The following ASIC2 variants were observed in gnomAD, a reference collection of about 807,000 sequenced individuals.
The protein encoded by ASIC2 is acid sensing ion channel subunit 2.
Under a neutral mutation model 57.3 loss-of-function variants are expected in ASIC2, and 25 were observed. The ratio of observed to expected loss-of-function variants is 0.44; its 90% CI spans 0.32 to 0.61. The LOEUF is 0.61. Among genes scored for constraint, ASIC2 ranks in the 20% least tolerant of loss-of-function variants. ASIC2 has a pLI of 0.06. For missense variants in ASIC2, 641 were observed against 738.1 expected, an observed-to-expected ratio of 0.87 and a Z score of 1.52; for synonymous variants, 319 against 307.5, an observed-to-expected ratio of 1.04 and a Z score of -0.39.
At chr17:33,323,866 G>A (rs1394700962) in intron 1 of ASIC2, among the ~76,000 whole-genome samples, 1 of 151,832 alleles carries the variant, frequency 6.6e-6, no homozygotes, top group Non-Finnish European at 1.5e-5. Flanking sequence ...GGCAGTGGGA[G>A]TTACTAGAAA....
chr17:34,132,096 A>G (rs1448073624), intron 1 of ASIC2, among the ~76,000 whole-genome samples: 1 of 152,202 alleles, frequency 6.6e-6, no homozygotes, highest in East Asian at 1.9e-4. Flanking sequence ...ACAAGAATGT[A>G]AAGCCTGGCT....
intron 1 of ASIC2, among the ~76,000 whole-genome samples, chr17:33,308,506 T>C (rs146422229): frequency 6.6e-6 from 1 of 152,304 alleles, no homozygotes; most frequent in East Asian, 1.9e-4. Flanking sequence ...CCTCTCCTCA[T>C]CTTGCCTAAG....
chr17:33,065,144 C>T (rs1190585183), intron 3 of ASIC2, among the ~76,000 whole-genome samples: 1 of 151,986 alleles, frequency 6.6e-6, no homozygotes, highest in Non-Finnish European at 1.5e-5. Context: ...ATTAATGGCA[C>T]ATAATAGGGG....
intron 1 of ASIC2, among the ~76,000 whole-genome samples, chr17:33,991,222 A>G (rs1351220881): frequency 1.3e-5 from 2 of 152,210 alleles, no homozygotes; most frequent in Admixed American, 1.3e-4. Flanking sequence ...GATGAGGATG[A>G]TGGAGTCAGA....
chr17:33,500,919 C>T (rs1597753755), intron 1 of ASIC2, among the ~76,000 whole-genome samples: 1 of 152,240 alleles, frequency 6.6e-6, no homozygotes, highest in Non-Finnish European at 1.5e-5. Context: ...TTTATAGCGT[C>T]CCGCTACAAC....
intron 3 of ASIC2, among the ~76,000 whole-genome samples, chr17:33,036,189 G>T (rs1228223650): frequency 1.3e-5 from 2 of 152,180 alleles, no homozygotes; most frequent in African/African-American, 2.4e-5. Flanking sequence ...TTGAATATTT[G>T]CAGGGCTCTT....
rs1908199743 is a variant in ASIC2, at chr17:33,233,835, T to C, written c.708+57573A>G. On this transcript the variant is annotated intron_variant, in intron 1 of 9. Coordinates refer to ENST00000225823, the MANE Select transcript of ASIC2 (RefSeq NM_183377.2). ...ACACAGATACACACACTTATTTTAT[T>C]TTATGAAGCAGATTGTCAAGAGAAA... Among the ~76,000 whole-genome samples, 6 of 152,190 alleles carry C rather than the reference T, an allele frequency of 3.9e-5. No individual in the cohort carries two copies. The South Asian group carries it at 1.2e-3, about 32-fold the overall frequency.
chr17:33,876,333 T>A (rs1450922960), intron 1 of ASIC2, among the ~76,000 whole-genome samples: 2 of 152,228 alleles, frequency 1.3e-5, no homozygotes, highest in East Asian at 3.8e-4. Flanking sequence ...TCTCCAGACC[T>A]TGTTACTGTG....
rs1202844682 is a variant in ASIC2, at chr17:34,044,128, ACG to A, written c.555+111848_555+111849del. On this transcript the variant is annotated intron_variant, in intron 1 of 9. Coordinates refer to the ASIC2 transcript ENST00000359872. ...CACACACACACACACACACACACGC[ACG>A]CACACACACACACACACACCAAGAA... Among the ~76,000 whole-genome samples, 357 of 113,252 alleles carry A rather than the reference ACG, an allele frequency of 3.2e-3. 1 individual carries two copies. The highest frequency in any genetic ancestry group is 0.014 in the East Asian group (65 of 4,582). 74.3% of individuals were successfully genotyped at this position (113,252 alleles called of 152,430 possible). A position where few individuals can be genotyped will look rare whatever the true frequency, so the allele number is the denominator to read the frequency against.
chr17:33,656,255 AAG>A (rs1406605159), intron 1 of ASIC2, among the ~76,000 whole-genome samples: 18 of 151,594 alleles, frequency 1.2e-4, no homozygotes, highest in Non-Finnish European at 2.2e-4. Flanking sequence ...AATCTCCAAA[AAG>A]AGAGAGAGAG....
chr17:33,389,250 C>T (rs1176982726), intron 1 of ASIC2, among the ~76,000 whole-genome samples: 1 of 152,134 alleles, frequency 6.6e-6, no homozygotes, highest in Admixed American at 6.5e-5. Flanking sequence ...CACGAGCCAC[C>T]GTGCCTGGCT....
intron 1 of ASIC2, among the ~76,000 whole-genome samples, chr17:33,128,070 T>A (rs1003969378): frequency 6.6e-6 from 1 of 152,244 alleles, no homozygotes; most frequent in Non-Finnish European, 1.5e-5. Flanking sequence ...CCTGCCTTCA[T>A]TGAGTTAACT....
At chr17:33,809,920 C>A (rs1413759514) in intron 1 of ASIC2, among the ~76,000 whole-genome samples, 2 of 152,190 alleles carry the variant, frequency 1.3e-5, no homozygotes, top group Non-Finnish European at 2.9e-5. Flanking sequence ...ATTCTCATAT[C>A]CACCTGGAAA....
At chr17:33,607,658 T>A (rs1240442168) in intron 1 of ASIC2, among the ~76,000 whole-genome samples, 2 of 152,354 alleles carry the variant, frequency 1.3e-5, no homozygotes, top group African/African-American at 2.4e-5. Flanking sequence ...CTGTCACTGA[T>A]CCCTGCCTTG....
chr17:33,442,877 A>G (rs1911874431), intron 1 of ASIC2, among the ~76,000 whole-genome samples: 1 of 152,176 alleles, frequency 6.6e-6, no homozygotes, highest in Non-Finnish European at 1.5e-5. Context: ...GAAACATTTA[A>G]TCTTTCATCA....
At chr17:33,293,309 G>C (rs1262182807), upstream of ASIC2, among the ~76,000 whole-genome samples, 1 of 152,050 alleles carries the variant, frequency 6.6e-6, no homozygotes, top group East Asian at 1.9e-4. Flanking sequence ...CGGGCGGGGC[G>C]GCGGCGGCCG....
At chr17:33,562,024 G>A (rs1916088652) in intron 1 of ASIC2, among the ~76,000 whole-genome samples, 1 of 152,166 alleles carries the variant, frequency 6.6e-6, no homozygotes, top group African/African-American at 2.4e-5. Context: ...CAGGATAGCT[G>A]TTCCAATCCG....
chr17:33,634,713 T>TC (rs1400351898), intron 1 of ASIC2: 7 of 69,338 alleles, frequency 1.0e-4, no homozygotes, highest in Non-Finnish European at 1.9e-4. Context: ...TTTCTTTCTT[T>TC]TTTTTTTTTT....
intron 1 of ASIC2, among the ~76,000 whole-genome samples, chr17:33,901,157 T>C (rs566485879): frequency 5.3e-5 from 8 of 152,154 alleles, no homozygotes; most frequent in Non-Finnish European, 7.3e-5. Context: ...TTGCATTCTA[T>C]CCTGTGCATG....
Sources: allele counts gnomAD v4.1 joint callset (sites outside exome capture counted in the v4.1 genomes callset), GRCh38; gene constraint gnomAD v4.1.1; transcripts MANE v1.5; gene names NCBI Gene and HGNC (gene_info 2026-07-23, HGNC 2026-07-21).